RBFOX1: variants seen among roughly 807,000 people sequenced by gnomAD.
The protein encoded by RBFOX1 is RNA binding protein fox-1 homolog 1.
Under a neutral mutation model 57.7 loss-of-function variants are expected in RBFOX1, and 8 were observed. The observed-to-expected ratio is 0.14, with a 90% CI of 0.08 to 0.25. The LOEUF is 0.25. Among genes scored for constraint, RBFOX1 ranks in the 10% least tolerant of loss-of-function variants. The pLI, the probability that RBFOX1 is intolerant of heterozygous loss-of-function variation, is 1.00. For synonymous variants in RBFOX1, 326 were observed against 222.4 expected, an observed-to-expected ratio of 1.47 and a Z score of -4.15; for missense variants, 611 against 548.5, an observed-to-expected ratio of 1.11 and a Z score of -1.14.
At chr16:5,548,875 A>G (rs2045341442) in intron 2 of RBFOX1, among the ~76,000 whole-genome samples, 2 of 152,188 alleles carry the variant, frequency 1.3e-5, no homozygotes, top group African/African-American at 4.8e-5. Flanking sequence ...AGGATGAGGA[A>G]GAAGATGGAA....
chr16:5,644,682 C>T (rs2151339637), intron 3 of RBFOX1, among the ~76,000 whole-genome samples: 1 of 152,310 alleles, frequency 6.6e-6, no homozygotes, highest in East Asian at 1.9e-4. Flanking sequence ...GTGCATTCTG[C>T]AATCTTATTC....
chr16:5,620,967 A>G (rs1250605191), intron 3 of RBFOX1, among the ~76,000 whole-genome samples: 4 of 152,010 alleles, frequency 2.6e-5, no homozygotes, highest in South Asian at 2.1e-4. Flanking sequence ...CAGCCTCCCA[A>G]GTAGCTGGGA....
chr16:7,608,164 A>G (rs1485936893), intron 10 of RBFOX1, among the ~76,000 whole-genome samples: 1 of 152,212 alleles, frequency 6.6e-6, no homozygotes, highest in African/African-American at 2.4e-5. Flanking sequence ...ATAAGGAGAA[A>G]TAAATAATCC....
intron 3 of RBFOX1, among the ~76,000 whole-genome samples, chr16:5,845,024 A>G (rs2056717673): frequency 6.6e-6 from 1 of 152,078 alleles, no homozygotes; most frequent in African/African-American, 2.4e-5. Flanking sequence ...GAGAACCAAA[A>G]AGCATTTAGG....
At chr16:5,257,728 G>T (rs1053824719) in intron 1 of RBFOX1, among the ~76,000 whole-genome samples, 1 of 152,150 alleles carries the variant, frequency 6.6e-6, no homozygotes, top group African/African-American at 2.4e-5. Context: ...AGAGTCCCCA[G>T]TGTCAGCCTC....
chr16:5,334,495 G>C (rs72775798), intron 1 of RBFOX1, among the ~76,000 whole-genome samples: 2,271 of 152,152 alleles, frequency 0.015, 30 homozygotes, highest in Middle Eastern at 0.034. Flanking sequence ...AGATGGTTGG[G>C]TCTTGCTCAT....
At chr16:6,532,360 C>T (rs747920544) in intron 2 of RBFOX1, among the ~76,000 whole-genome samples, 11 of 152,176 alleles carry the variant, frequency 7.2e-5, no homozygotes, top group Non-Finnish European at 1.2e-4. Context: ...TTTCTATCCT[C>T]TTGCCTGGAG....
At chr16:7,254,500 T>C (rs1008694097) in intron 4 of RBFOX1, among the ~76,000 whole-genome samples, 6 of 138,600 alleles carry the variant, frequency 4.3e-5, no homozygotes, top group Admixed American at 1.4e-4. Flanking sequence ...CTCTCTCTCT[T>C]TTTTTTTATC....
chr16:7,111,603 G>C lies in RBFOX1; in HGVS notation c.27+59505G>C, dbSNP rs761237572. Among the ~76,000 whole-genome samples the C allele has an allele frequency of 1.3e-4, 20 of 152,140 alleles. 1 individual carries two copies. The highest frequency in any genetic ancestry group is 1.3e-4 in the Admixed American group (2 of 15,270). ...TTTTAAACCAGATAAAGCAGTGTCT[G>C]AGTATCCTGGGAGTCTTAGGAGTAA... On this transcript the variant is annotated intron_variant, in intron 4 of 15. Transcript: ENST00000550418.
chr16:5,251,515 G>T (rs2094436863), intron 1 of RBFOX1, among the ~76,000 whole-genome samples: 1 of 152,188 alleles, frequency 6.6e-6, no homozygotes, highest in Non-Finnish European at 1.5e-5. Context: ...GTGATTGAGT[G>T]GCAGGGTCAG....
chr16:6,197,797 C>A (rs974933135), intron 1 of RBFOX1, among the ~76,000 whole-genome samples: 6 of 152,090 alleles, frequency 3.9e-5, no homozygotes, highest in Non-Finnish European at 7.4e-5. Context: ...CCTCCTCCCA[C>A]CCTCCATCCT....
intron 1 of RBFOX1, among the ~76,000 whole-genome samples, chr16:6,264,763 T>C (rs2097722876): frequency 6.6e-6 from 1 of 152,218 alleles, no homozygotes; most frequent in African/African-American, 2.4e-5. Context: ...CAGCCTATGT[T>C]GTCTTTTCTT....
At chr16:7,190,321 C>T (rs113268279) in intron 4 of RBFOX1, among the ~76,000 whole-genome samples, 45 of 151,964 alleles carry the variant, frequency 3.0e-4, no homozygotes, top group African/African-American at 9.2e-4. Context: ...ATCACACCAC[C>T]GTACTCCAGC....
intron 3 of RBFOX1, among the ~76,000 whole-genome samples, chr16:5,669,182 G>A (rs2049940988): frequency 6.6e-6 from 1 of 152,062 alleles, no homozygotes; most frequent in African/African-American, 2.4e-5. Flanking sequence ...GAATCTGGAT[G>A]CTCTAATGAT....
At chr16:5,478,775 C>G (rs1020371846) in intron 2 of RBFOX1, among the ~76,000 whole-genome samples, 7 of 152,078 alleles carry the variant, frequency 4.6e-5, no homozygotes, top group African/African-American at 1.7e-4. Context: ...CAATAGGGAG[C>G]CATAGTATGT....
At chr16:5,641,697 G>A (rs942318851) in intron 3 of RBFOX1, among the ~76,000 whole-genome samples, 3 of 152,192 alleles carry the variant, frequency 2.0e-5, no homozygotes, top group Non-Finnish European at 4.4e-5. Flanking sequence ...CCTGGAGGCG[G>A]GGGCATGTTG....
intron 1 of RBFOX1, among the ~76,000 whole-genome samples, chr16:6,300,693 G>A (rs896466518): frequency 3.3e-5 from 5 of 152,054 alleles, no homozygotes; most frequent in African/African-American, 4.8e-5. Flanking sequence ...ATGGGGCTTC[G>A]TGCATCTAGC....
intron 1 of RBFOX1, among the ~76,000 whole-genome samples, chr16:5,349,273 C>T (rs1220669140): frequency 6.6e-6 from 1 of 152,116 alleles, no homozygotes; most frequent in East Asian, 1.9e-4. Flanking sequence ...ATATTGATTG[C>T]CGGGGGAGTT....
intron 4 of RBFOX1, among the ~76,000 whole-genome samples, chr16:7,410,517 A>T (rs976992755): frequency 6.6e-6 from 1 of 152,198 alleles, no homozygotes; most frequent in African/African-American, 2.4e-5. Context: ...CCCGGTCTCT[A>T]CTAAAAATAC....
Sources: allele counts gnomAD v4.1 joint callset (sites outside exome capture counted in the v4.1 genomes callset), GRCh38; gene constraint gnomAD v4.1.1; transcripts MANE v1.5; gene names NCBI Gene and HGNC (gene_info 2026-07-23, HGNC 2026-07-21).